Variants in TBL3 observed in about 807,000 individuals in gnomAD.
TBL3 encodes transducin beta like 3.
In TBL3, 71 loss-of-function variants were observed where a neutral mutation model predicts 102.7. The ratio of observed to expected loss-of-function variants is 0.69; its 90% CI spans 0.57 to 0.84. The LOEUF (loss-of-function observed/expected upper bound fraction) is 0.84. Among genes scored for constraint, TBL3 ranks in the 40% least tolerant of loss-of-function variants. The pLI, the probability that TBL3 is intolerant of heterozygous loss-of-function variation, is 0.00. For missense variants in TBL3, 1,188 were observed against 1,098.5 expected (o/e 1.08, Z -1.15); for synonymous variants, 578 against 477.7 (o/e 1.21, Z -2.74).
intron 15 of TBL3, 33 bp downstream of exon 15, chr16:1,977,317 G>A (rs780124611): frequency 1.1e-5 from 18 of 1,612,790 alleles, no homozygotes; most frequent in East Asian, 4.5e-5. Flanking sequence ...CCCACTTCCC[G>A]CCCTGGTGAC....
In TBL3 at chr16:1,977,659, A is replaced by G; in HGVS notation, c.1888A>G (p.Ile630Val). ...CACTGGGGCCAGTGACTCCCGAGTC[A>G]TCCTCTGGAAGGTTGTGGGCCCCAA... ...ALTGASDSRV[I>V]LWKDVTEAEQ... The change falls in exon 17 of 22, where the codon ATC becomes GTC. Residue 630 changes from isoleucine (I) to valine (V), a missense_variant. Transcript: ENST00000568546. 6.4e-7 allele frequency: 1 copy of G among 1,551,688 alleles called. No homozygotes were observed. Among genetic ancestry groups the G allele is most frequent in the Non-Finnish European group, 8.7e-7 (1 of 1,147,108 alleles).
chr16:1,977,545 A>G lies in TBL3; in HGVS notation c.1774A>G (p.Ile592Val), dbSNP rs751521510. 1 of 1,601,358 alleles carries G rather than the reference A, an allele frequency of 6.2e-7. No homozygotes were observed. Reference protein sequence around the residue: ...GSDGLVKLWTIKNNECVRTLD... With the variant: ...GSDGLVKLWTVKNNECVRTLD... ...GGATGGCCTCGTGAAGCTCTGGACC[A>G]TCAAGAACAACGAGTGTGTGCGGAC... Residue 592 changes from isoleucine to valine, a missense_variant, in exon 17 of 22, where the codon ATC becomes GTC. Physicochemically the swap from Ile to Val is conservative, Grantham distance 29. Coordinates refer to ENST00000568546, the MANE Select transcript of TBL3 (RefSeq NM_006453.3).
Position 1,977,564 on chromosome 16 carries a change from T to C in TBL3, c.1793T>C (p.Val598Ala). The C allele has an allele frequency of 1.3e-6, 2 of 1,591,018 alleles. No homozygotes were observed. Among genetic ancestry groups the C allele is most frequent in the Non-Finnish European group, 1.7e-6 (2 of 1,168,054 alleles). The change falls in exon 17 of 22, where the codon GTG (valine) becomes GCG (alanine). Residue 598 changes from valine to alanine, a missense_variant. By Grantham distance (64) the Val-to-Ala change is moderately conservative (BLOSUM62 0). Coordinates refer to ENST00000568546, the MANE Select transcript of TBL3 (RefSeq NM_006453.3). ...KLWTIKNNEC[V>A]RTLDAHEDKV... ...TGGACCATCAAGAACAACGAGTGTG[T>C]GCGGACGCTGGATGCCCACGAGGAC...
At position 1,972,059 on chromosome 16, in the gene TBL3, C is replaced by T; in HGVS notation, c.-106C>T. On this transcript the variant is annotated 5_prime_UTR_variant, in exon 1 of 22. Transcript: ENST00000568546. ...CGCGCGCGGTGACGCCATCGCAGCG[C>T]GCCGGGAGTGTGGCGTTCTGTGAAG... 2 of 1,281,480 alleles carry T rather than the reference C, an allele frequency of 1.6e-6. No individual in the cohort carries two copies. Among genetic ancestry groups the T allele is most frequent in the Non-Finnish European group, 2.0e-6 (2 of 988,178 alleles). The allele number at this position is 1,281,480 out of a possible 1,614,324, so 79.4% of individuals were successfully genotyped here.
In TBL3 at chr16:1,975,901, GTGTT is replaced by G. The variant is rs1448838438; in HGVS notation, c.1084_1087del (p.Phe362SerfsTer43). 1.2e-6 allele frequency: 2 copies of G among 1,614,150 alleles called. No individual in the cohort carries two copies. Among genetic ancestry groups the G allele is most frequent in the South Asian group, 1.1e-5 (1 of 91,090 alleles). On this transcript the variant is annotated frameshift_variant, in exon 11 of 22. Coordinates refer to ENST00000568546, the MANE Select transcript of TBL3 (RefSeq NM_006453.3). LOFTEE classifies it high-confidence loss of function. ...GGCCTCCAATAGCCCCTGCCTAAAA[GTGTT>G]TGAGCTGCAGACGTCAGCCTGCCAG... is the stretch of plus-strand genomic sequence containing the variant.
In TBL3 at chr16:1,979,074, G is replaced by A. The variant is rs757350050; in HGVS notation, c.*389G>A. On this transcript the variant is annotated 3_prime_UTR_variant, in exon 22 of 22. Coordinates refer to ENST00000568546, the MANE Select transcript of TBL3 (RefSeq NM_006453.3). ...CGCTCACTGCTCCGTCGTGGGGTGC[G>A]GCACAGAGTCCACGCACCCTCGAGG... 1.5e-5 allele frequency: 23 copies of A among 1,538,000 alleles called. No individual in the cohort carries two copies. In the South Asian group the frequency reaches 1.6e-4, roughly 10 times the overall value.
chr16:1,975,781 C>T lies in TBL3; in HGVS notation c.988-27C>T, dbSNP rs144702597. ...CTCCTCTTACACAGGTCCTGGCTCA[C>T]ATCTCCTGCTCCCTGCCACCCCGCA... On this transcript the variant is annotated intron_variant, in intron 10 of 21. Coordinates refer to ENST00000568546, the MANE Select transcript of TBL3 (RefSeq NM_006453.3). 1,742 of 1,614,056 alleles carry T rather than the reference C, an allele frequency of 1.1e-3. 34 individuals carry two copies. In the East Asian group the frequency reaches 0.031, roughly 29 times the overall value.
At position 1,974,533 on chromosome 16, in the gene TBL3, C is replaced by T. The variant is rs2150882493; in HGVS notation, c.238-5C>T. The T allele has an allele frequency of 6.2e-7, 1 of 1,602,476 alleles. No individual in the cohort carries two copies. The stretch of plus-strand genomic sequence containing the variant: ...GCCCCTCTGCTGACCTGTACCCTCC[C>T]CCAGGTGCTGGTGACAGCCAGTCGG... On this transcript the variant is annotated splice_region_variant and splice_polypyrimidine_tract_variant and intron_variant, in intron 4 of 21. Transcript: ENST00000568546.
rs1475510145 is a variant in TBL3, at chr16:1,978,485, G to C, written c.2293+14G>C. 1 of 1,592,778 alleles carries C rather than the reference G, an allele frequency of 6.3e-7. No homozygotes were observed. The highest frequency in any genetic ancestry group is 8.6e-7 in the Non-Finnish European group (1 of 1,167,102). Reference sequence around the variant, plus strand: ...TGCCCTACACTGGTATGTGGGCACAGCCTGGGGTTGGGGGATCCTGGTGGG... The same window carrying C: ...TGCCCTACACTGGTATGTGGGCACACCCTGGGGTTGGGGGATCCTGGTGGG... On this transcript the variant is annotated intron_variant, in intron 21 of 21. Transcript: ENST00000568546.
At position 1,975,917 on chromosome 16, in the gene TBL3, C is replaced by G. The variant is rs746249394; in HGVS notation, c.1097C>G (p.Thr366Arg). ...TGCCTAAAAGTGTTTGAGCTGCAGA[C>G]GTCAGCCTGCCAGATCCTCCACGGC... ...SPCLKVFELQ[T>R]SACQILHGHT... Residue 366 changes from threonine to arginine, a missense_variant, in exon 11 of 22, where the codon ACG becomes AGG. Coordinates refer to ENST00000568546, the MANE Select transcript of TBL3 (RefSeq NM_006453.3). The G allele has an allele frequency of 3.1e-6, 5 of 1,614,132 alleles. No individual in the cohort carries two copies. The highest frequency in any genetic ancestry group is 1.1e-5 in the South Asian group (1 of 91,092).
Position 1,975,220 on chromosome 16 carries a change from C to T in TBL3, c.669C>T (p.Asp223=), listed in dbSNP as rs577419977. 1.2e-6 allele frequency: 2 copies of T among 1,613,942 alleles called. No homozygotes were observed. The highest frequency in any genetic ancestry group is 1.3e-5 in the African/African-American group (1 of 75,042). The change falls in exon 8 of 22, where the codon GAC becomes GAT. Residue 223 remains aspartate (D), a synonymous_variant. Transcript: ENST00000568546. ...SGRDKICIIW[D]LQSCQATRTV... Reference sequence around the variant, plus strand: ...GTGACAAGATATGTATCATCTGGGACCTTCAGAGCTGCCAGGCCACGAGGA... The same window carrying T: ...GTGACAAGATATGTATCATCTGGGATCTTCAGAGCTGCCAGGCCACGAGGA...
At position 1,975,798 on chromosome 16, in the gene TBL3, C is replaced by T. The variant is rs764427501; in HGVS notation, c.988-10C>T. Reference sequence around the variant, plus strand: ...CTGGCTCACATCTCCTGCTCCCTGCCACCCCGCAGTTCGCTGGCTACAGTG... The same window carrying T: ...CTGGCTCACATCTCCTGCTCCCTGCTACCCCGCAGTTCGCTGGCTACAGTG... On this transcript the variant is annotated splice_polypyrimidine_tract_variant and intron_variant, in intron 10 of 21. Coordinates refer to ENST00000568546, the MANE Select transcript of TBL3 (RefSeq NM_006453.3). The T allele has an allele frequency of 8.1e-6, 13 of 1,614,148 alleles. No homozygotes were observed. Among genetic ancestry groups the T allele is most frequent in the Non-Finnish European group, 1.1e-5 (13 of 1,180,042 alleles).
chr16:1,976,034 A>G (rs368757373), intron 11 of TBL3, 22 bp from the exon 12 acceptor site: 42 of 1,613,978 alleles, frequency 2.6e-5, no homozygotes, highest in Middle Eastern at 3.3e-4. Context: ...TGTGTGACCT[A>G]TACCTCCCCA....
Position 1,975,773 on chromosome 16 carries a change from C to G in TBL3, c.988-35C>G, listed in dbSNP as rs1359568484. 6 of 1,614,028 alleles carry G rather than the reference C, an allele frequency of 3.7e-6. No individual in the cohort carries two copies. In the Admixed American group the frequency reaches 1.0e-4, roughly 27 times the overall value. On this transcript the variant is annotated intron_variant, in intron 10 of 21. Transcript: ENST00000568546. ...CACCAGCCCTCCTCTTACACAGGTC[C>G]TGGCTCACATCTCCTGCTCCCTGCC...
In TBL3 at chr16:1,976,279, TCA is replaced by T; in HGVS notation, c.1266_1267del (p.His422GlnfsTer9). 1 of 1,613,916 alleles carries T rather than the reference TCA, an allele frequency of 6.2e-7. No homozygotes were observed. Among genetic ancestry groups the T allele is most frequent in the Non-Finnish European group, 8.5e-7 (1 of 1,179,936 alleles). On this transcript the variant is annotated frameshift_variant, in exon 13 of 22. Transcript: ENST00000568546. LOFTEE classifies it high-confidence loss of function. ...TGATGTGCGTGGCTCAGGGTTCCGG[TCA>T]CACACACAGTGTGGGCACCGTCTGC... is the stretch of plus-strand genomic sequence containing the variant. The part of the protein sequence containing the change: ...QVMCVAQGSG[H>X]THSVGTVCCS...
rs548373444 is a variant in TBL3, at chr16:1,979,984, TG to T, written c.*1305del. 5.1e-5 allele frequency: 81 copies of T among 1,596,598 alleles called. No individual in the cohort carries two copies. The highest frequency in any genetic ancestry group is 6.6e-5 in the Non-Finnish European group (77 of 1,172,694). On this transcript the variant is annotated 3_prime_UTR_variant, in exon 22 of 22. Coordinates refer to ENST00000568546, the MANE Select transcript of TBL3 (RefSeq NM_006453.3). Reference sequence around the variant, plus strand: ...GCAGAGGAGCAAATCCCTGGGTTCTTGGGGGGCCCTACCTGAGGGGTGCCGC... The same window carrying T: ...GCAGAGGAGCAAATCCCTGGGTTCTTGGGGGCCCTACCTGAGGGGTGCCGC...
In TBL3 at chr16:1,980,685, C is replaced by A. The variant is rs1486112440; in HGVS notation, c.*2000C>A. 2 of 1,607,190 alleles carry A rather than the reference C, an allele frequency of 1.2e-6. No individual in the cohort carries two copies. The highest frequency in any genetic ancestry group is 1.3e-5 in the African/African-American group (1 of 75,018). On this transcript the variant is annotated 3_prime_UTR_variant, in exon 22 of 22. Transcript: ENST00000568546. The stretch of plus-strand genomic sequence containing the variant: ...AAGCTTTGGGAGAACGCGGTCAGAT[C>A]TCCGCAGCAGGCCCGCCTCCACCGG...
At position 1,980,538 on chromosome 16, in the gene TBL3, G is replaced by T. The variant is rs1198962037; in HGVS notation, c.*1853G>T. 1 of 1,603,520 alleles carries T rather than the reference G, an allele frequency of 6.2e-7. No individual in the cohort carries two copies. The highest frequency in any genetic ancestry group is 8.5e-7 in the Non-Finnish European group (1 of 1,177,828). ...CGTGCGCCCCACGCGTCCCAACAGT[G>T]GTGCATCTTAAGGCACCACAAAAAC... On this transcript the variant is annotated 3_prime_UTR_variant, in exon 22 of 22. Coordinates refer to ENST00000568546, the MANE Select transcript of TBL3 (RefSeq NM_006453.3).
intron 1 of TBL3, 39 bp from the exon 2 acceptor site, chr16:1,974,017 G>T: frequency 6.6e-7 from 1 of 1,513,620 alleles, no homozygotes; most frequent in Non-Finnish European, 8.9e-7. Context: ...GGGACTGAGG[G>T]GGTGGGTGGT....
Sources: gnomAD v4.1 joint callset for allele counts on GRCh38, gnomAD v4.1.1 for gene constraint, MANE v1.5 for transcripts, NCBI Gene and HGNC (gene_info 2026-07-23, HGNC 2026-07-21) for gene names.